DYRK1A: variants seen among roughly 807,000 people sequenced by gnomAD.
The protein encoded by DYRK1A is dual specificity tyrosine phosphorylation regulated kinase 1A.
Under a neutral mutation model 79.7 loss-of-function variants are expected in DYRK1A, and 9 were observed. The ratio of observed to expected loss-of-function variants is 0.11; its 90% CI spans 0.07 to 0.20. The LOEUF is 0.20. Among genes scored for constraint, DYRK1A ranks in the 10% least tolerant of loss-of-function variants. The probability of loss-of-function intolerance (pLI) is 1.00; values close to 1 mark genes in which losing one functional copy is unlikely to be tolerated. For synonymous variants in DYRK1A, 349 were observed against 329.7 expected, an observed-to-expected ratio of 1.06 and a Z score of -0.63; for missense variants, 622 against 956.0, an observed-to-expected ratio of 0.65 and a Z score of 4.61.
chr21:37,501,170 T>A (rs1601303959), intron 9 of DYRK1A, among the ~76,000 whole-genome samples: 2 of 141,090 alleles, frequency 1.4e-5, no homozygotes, highest in Non-Finnish European at 3.1e-5. Flanking sequence ...TTGTTGGTTT[T>A]TTTTTTTTTT....
intron 1 of DYRK1A, among the ~76,000 whole-genome samples, chr21:37,389,918 G>GTT (rs1337784767): frequency 3.4e-5 from 5 of 145,040 alleles, no homozygotes; most frequent in African/African-American, 7.6e-5. Context: ...TATGTATTTT[G>GTT]TTTTTTGTTT....
At chr21:37,385,696 AT>A (rs1017339877) in intron 1 of DYRK1A, among the ~76,000 whole-genome samples, 1 of 152,136 alleles carries the variant, frequency 6.6e-6, no homozygotes, top group African/African-American at 2.4e-5. Context: ...TTTCTTTCTT[AT>A]CGCTTCATGA....
At chr21:37,494,670 G>A (rs904103515) in intron 8 of DYRK1A, among the ~76,000 whole-genome samples, 1 of 151,896 alleles carries the variant, frequency 6.6e-6, no homozygotes. Flanking sequence ...TGATAATGCC[G>A]GGCGCAGTGG....
chr21:37,368,999 TTGAA>T (rs1480869714), intron 1 of DYRK1A, among the ~76,000 whole-genome samples: 7 of 152,190 alleles, frequency 4.6e-5, no homozygotes, highest in Non-Finnish European at 1.0e-4. Flanking sequence ...TAGTCAATTT[TTGAA>T]TGAAAGGAAT....
chr21:37,389,926 T>G (rs35519135), intron 1 of DYRK1A, among the ~76,000 whole-genome samples: 29 of 113,554 alleles, frequency 2.6e-4, no homozygotes, highest in Admixed American at 4.2e-4. Flanking sequence ...TTGTTTTTTG[T>G]TTTTTTTTTT....
rs2053933023 is a variant in DYRK1A at position 37,521,194 on chromosome 21, C to T, written c.*8663C>T. The T allele has an allele frequency of 6.6e-6, 1 of 152,218 alleles. No individual in the cohort carries two copies. The highest frequency in any genetic ancestry group is 6.5e-5 in the Admixed American group (1 of 15,274). The allele number at this position is 152,218 out of a possible 1,614,324, so 9.4% of individuals were successfully genotyped here. ...TGCGTATTAGAGTTCTGACCATCTT[C>T]ACTAGAAGTGGGGGCGGCTAGCAGT... is the stretch of plus-strand genomic sequence containing the variant. On this transcript the variant is annotated 3_prime_UTR_variant, in exon 12 of 12. Transcript: ENST00000647188.
chr21:37,447,445 A>G (rs754149472), intron 2 of DYRK1A, among the ~76,000 whole-genome samples: 1 of 152,188 alleles, frequency 6.6e-6, no homozygotes, highest in Non-Finnish European at 1.5e-5. Flanking sequence ...TTTAAGACCT[A>G]AAGTCTGCTT....
intron 1 of DYRK1A, among the ~76,000 whole-genome samples, chr21:37,375,535 T>C (rs2049520641): frequency 1.4e-5 from 2 of 146,826 alleles, no homozygotes; most frequent in South Asian, 4.4e-4. Flanking sequence ...TTTTTTTTTT[T>C]TTTTTTTGAG....
At chr21:37,459,208 A>G (rs1232291508) in intron 2 of DYRK1A, among the ~76,000 whole-genome samples, 1 of 152,164 alleles carries the variant, frequency 6.6e-6, no homozygotes, top group Non-Finnish European at 1.5e-5. Flanking sequence ...TTGATGGACA[A>G]TCATTTTATT....
chr21:37,429,536 C>G (rs2050718347), intron 2 of DYRK1A, among the ~76,000 whole-genome samples: 1 of 152,144 alleles, frequency 6.6e-6, no homozygotes, highest in Non-Finnish European at 1.5e-5. Flanking sequence ...AGTGGGAGTG[C>G]TACACACTTC....
intron 1 of DYRK1A, among the ~76,000 whole-genome samples, chr21:37,372,277 C>CAA (rs201255451): frequency 1.2e-4 from 13 of 105,116 alleles, no homozygotes; most frequent in Middle Eastern, 5.2e-3. Context: ...AACCCTGTCT[C>CAA]AAAAAACAAA....
chr21:37,427,928 T>C (rs1002630477), intron 2 of DYRK1A, among the ~76,000 whole-genome samples: 1 of 152,210 alleles, frequency 6.6e-6, no homozygotes, highest in African/African-American at 2.4e-5. Context: ...GATATTTCTT[T>C]GGGGTTTTAA....
chr21:37,447,102 G>A (rs1487477790), intron 2 of DYRK1A, among the ~76,000 whole-genome samples: 1 of 152,162 alleles, frequency 6.6e-6, no homozygotes, highest in African/African-American at 2.4e-5. Flanking sequence ...CCTAACAGGA[G>A]AACTTGCTTC....
At position 37,519,890 on chromosome 21, in the gene DYRK1A, C is replaced by G. The variant is rs927780846; in HGVS notation, c.*7359C>G. 2 of 151,990 alleles carry G rather than the reference C, an allele frequency of 1.3e-5. No individual in the cohort carries two copies. Among genetic ancestry groups the G allele is most frequent in the Non-Finnish European group, 2.9e-5 (2 of 68,080 alleles). 9.4% of individuals were successfully genotyped at this position (151,990 alleles called of 1,614,324 possible). A position where few individuals can be genotyped will look rare whatever the true frequency, so the allele number is the denominator to read the frequency against. ...CAGAGTAGCTGGGACTACTGGCGCC[C>G]GCCACCACGCCCGGCTAATTTTTTT... On this transcript the variant is annotated 3_prime_UTR_variant, in exon 12 of 12. Coordinates refer to ENST00000647188, the MANE Select transcript of DYRK1A (RefSeq NM_001347721.2).
At chr21:37,431,838 T>G (rs941552831) in intron 2 of DYRK1A, among the ~76,000 whole-genome samples, 3 of 152,098 alleles carry the variant, frequency 2.0e-5, no homozygotes, top group East Asian at 1.9e-4. Context: ...TTTGTTGTCT[T>G]GATAAGTACA....
rs17814675 is a variant in DYRK1A, at chr21:37,419,234, A to G, written c.-76-1065A>G. ...CTGAAATGAACTATACTGAGGCAATAGGAGCTTTGTATAGTAATTTAGGAG... is the reference window on the plus strand; with the variant it reads ...CTGAAATGAACTATACTGAGGCAATGGGAGCTTTGTATAGTAATTTAGGAG... On this transcript the variant is annotated intron_variant, in intron 1 of 11. Coordinates refer to ENST00000647188, the MANE Select transcript of DYRK1A (RefSeq NM_001347721.2). 16,913 of 152,206 alleles carry G rather than the reference A, an allele frequency of 0.11. 1,301 individuals carry two copies. The highest frequency in any genetic ancestry group is 0.16 in the Non-Finnish European group (10,973 of 67,992). The allele number at this position is 152,206 out of a possible 1,614,324, so 9.4% of individuals were successfully genotyped here.
chr21:37,435,277 A>G (rs1041679699), intron 2 of DYRK1A, among the ~76,000 whole-genome samples: 2 of 152,202 alleles, frequency 1.3e-5, no homozygotes, highest in Non-Finnish European at 1.5e-5. Context: ...CATCCTGACT[A>G]ACAGTTCCAA....
At chr21:37,473,336 G>A (rs1006451378) in intron 3 of DYRK1A, among the ~76,000 whole-genome samples, 13 of 152,158 alleles carry the variant, frequency 8.5e-5, no homozygotes, top group Middle Eastern at 6.8e-3. Context: ...CAAATTAACC[G>A]TGCTATTTAT....
At chr21:37,503,038 C>G (rs952353766) in intron 9 of DYRK1A, 1 of 152,106 alleles carries the variant, frequency 6.6e-6, no homozygotes, top group African/African-American at 2.4e-5. Context: ...CCTCTTCCCT[C>G]TGGCTGATTT....
Sources: gnomAD v4.1 joint callset for allele counts (sites outside exome capture counted in the v4.1 genomes callset) on GRCh38, gnomAD v4.1.1 for gene constraint, MANE v1.5 for transcripts, NCBI Gene and HGNC (gene_info 2026-07-23, HGNC 2026-07-21) for gene names.